The following PPM1L variants were observed in gnomAD, a reference collection of about 807,000 sequenced individuals.
PPM1L encodes the protein protein phosphatase, Mg2+/Mn2+ dependent 1L, also known as protein phosphatase 1L.
In PPM1L, 13 loss-of-function variants were observed where a neutral mutation model predicts 31.4. The observed-to-expected ratio is 0.41, with a 90% CI of 0.27 to 0.66. PPM1L has a LOEUF of 0.66. PPM1L is among the 30% of genes least tolerant of loss of function. The pLI, the probability that PPM1L is intolerant of heterozygous loss-of-function variation, is 0.29. For synonymous variants in PPM1L, 184 were observed against 175.4 expected (o/e 1.05, Z -0.39); for missense variants, 326 against 453.7 (o/e 0.72, Z 2.56).
chr3:161,065,375 C>T (rs373261947), intron 2 of PPM1L, 28 bp from the exon 3 acceptor site: 8 of 1,608,820 alleles, frequency 5.0e-6, no homozygotes, highest in African/African-American at 2.7e-5. Flanking sequence ...GCTGACCTCC[C>T]GCGTTCTCTC....
At chr3:160,824,592 C>T (rs1204882398) in intron 1 of PPM1L, among the ~76,000 whole-genome samples, 2 of 152,084 alleles carry the variant, frequency 1.3e-5, no homozygotes, top group Non-Finnish European at 2.9e-5. Flanking sequence ...CAGTTGCAGG[C>T]CCTTGGGCAT....
At chr3:160,844,551 T>C (rs1417921498) in intron 1 of PPM1L, among the ~76,000 whole-genome samples, 1 of 152,196 alleles carries the variant, frequency 6.6e-6, no homozygotes, top group Non-Finnish European at 1.5e-5. Context: ...AATCTTTTCT[T>C]GCCATCTATG....
At chr3:161,026,897 A>G (rs981393698) in intron 2 of PPM1L, among the ~76,000 whole-genome samples, 1 of 152,174 alleles carries the variant, frequency 6.6e-6, no homozygotes, top group African/African-American at 2.4e-5. Flanking sequence ...GAAGATTTTA[A>G]GGTGGAGAAA....
At chr3:160,889,271 G>A (rs748406158) in intron 1 of PPM1L, among the ~76,000 whole-genome samples, 29 of 152,170 alleles carry the variant, frequency 1.9e-4, no homozygotes, top group African/African-American at 2.4e-4. Context: ...GACTAATAAC[G>A]AAGAAAACAG....
chr3:160,969,941 CATA>C, intron 2 of PPM1L, among the ~76,000 whole-genome samples: 1 of 152,142 alleles, frequency 6.6e-6, no homozygotes, highest in East Asian at 1.9e-4. Context: ...ACTACCTAAA[CATA>C]ATCAACATCT....
At chr3:160,779,830 C>T (rs1177411911) in intron 1 of PPM1L, among the ~76,000 whole-genome samples, 1 of 152,106 alleles carries the variant, frequency 6.6e-6, no homozygotes, top group Admixed American at 6.5e-5. Context: ...CTGCGTCCGG[C>T]CTCTGCTACC....
At chr3:161,050,633 TTTTA>T (rs544333992) in intron 2 of PPM1L, among the ~76,000 whole-genome samples, 342 of 152,272 alleles carry the variant, frequency 2.2e-3, no homozygotes, top group Non-Finnish European at 3.6e-3. Context: ...ATAAGAAGTG[TTTTA>T]TTTTTTACTT....
At chr3:161,033,068 A>T (rs1262552659) in intron 2 of PPM1L, among the ~76,000 whole-genome samples, 1 of 151,412 alleles carries the variant, frequency 6.6e-6, no homozygotes, top group East Asian at 2.0e-4. Flanking sequence ...ATCCTTTGAG[A>T]TAAGAGTCAA....
At chr3:160,773,928 T>C (rs1159190259) in intron 1 of PPM1L, among the ~76,000 whole-genome samples, 1 of 152,154 alleles carries the variant, frequency 6.6e-6, no homozygotes, top group African/African-American at 2.4e-5. Flanking sequence ...ACTTCCTTCA[T>C]GAGTCTGGGT....
At position 161,069,248 on chromosome 3, in the gene PPM1L, G is replaced by C. The variant is rs1282196802; in HGVS notation, c.*91G>C. The C allele has an allele frequency of 2.0e-6, 2 of 988,196 alleles. No individual in the cohort carries two copies. The highest frequency in any genetic ancestry group is 2.9e-6 in the Non-Finnish European group (2 of 685,094). 61.2% of individuals were successfully genotyped at this position (988,196 alleles called of 1,614,324 possible). ...GTGAAAAGTGTGGGAGTTGTAATTA[G>C]GATCATCCACCCCAGACATGGAATC... On this transcript the variant is annotated 3_prime_UTR_variant, in exon 4 of 4. Coordinates refer to ENST00000498165, the MANE Select transcript of PPM1L (RefSeq NM_139245.4).
intron 2 of PPM1L, among the ~76,000 whole-genome samples, chr3:161,055,694 G>T (rs1486431057): frequency 6.6e-6 from 1 of 152,028 alleles, no homozygotes; most frequent in Non-Finnish European, 1.5e-5. Flanking sequence ...TGAAGTGTGT[G>T]TGTGCCTATC....
At position 161,075,292 on chromosome 3, in the gene PPM1L, A is replaced by C. The variant is rs1289463648; in HGVS notation, c.*6135A>C. 6.6e-6 allele frequency: 1 copy of C among 152,252 alleles called. No homozygotes were observed. Among genetic ancestry groups the C allele is most frequent in the Non-Finnish European group, 1.5e-5 (1 of 68,038 alleles). 9.4% of individuals were successfully genotyped at this position (152,252 alleles called of 1,614,324 possible). On this transcript the variant is annotated 3_prime_UTR_variant, in exon 4 of 4. Coordinates refer to ENST00000498165, the MANE Select transcript of PPM1L (RefSeq NM_139245.4). Reference sequence around the variant, plus strand: ...AGTATCAGGGAAAAACCCCTTTAGGATACCCAGACATTAAAAATGTAAAAA... The same window carrying C: ...AGTATCAGGGAAAAACCCCTTTAGGCTACCCAGACATTAAAAATGTAAAAA...
At chr3:160,827,447 TTGTGTGTGTGTGTGTG>T (rs59524935) in intron 1 of PPM1L, among the ~76,000 whole-genome samples, 3 of 141,358 alleles carry the variant, frequency 2.1e-5, no homozygotes, top group Non-Finnish European at 3.1e-5. Context: ...TGATATAAGT[TTGTGTGTGTGTGTGTG>T]TGTGTGTGTG....
intron 2 of PPM1L, among the ~76,000 whole-genome samples, chr3:161,053,096 A>G (rs1397532428): frequency 6.6e-6 from 1 of 152,264 alleles, no homozygotes; most frequent in African/African-American, 2.4e-5. Context: ...GTGAAAAAAT[A>G]TAGCTGGTGC....
Position 160,792,736 on chromosome 3 carries a change from A to G in PPM1L, c.399+36029A>G, listed in dbSNP as rs533963397. Among the ~76,000 whole-genome samples, 11 of 152,324 alleles carry G rather than the reference A, an allele frequency of 7.2e-5. 1 individual carries two copies. The South Asian group carries it at 2.3e-3, about 32-fold the overall frequency. On this transcript the variant is annotated intron_variant, in intron 1 of 3. Transcript: ENST00000498165. Reference sequence around the variant, plus strand: ...TTTCTGACCAACTAGCTACAAATTCAGTAATTTGCTAGAATGATTCACAGA... The same window carrying G: ...TTTCTGACCAACTAGCTACAAATTCGGTAATTTGCTAGAATGATTCACAGA...
intron 1 of PPM1L, among the ~76,000 whole-genome samples, chr3:160,960,854 G>C (rs113400487): frequency 0.022 from 3,353 of 152,190 alleles, 137 homozygotes; most frequent in African/African-American, 0.077. Flanking sequence ...GGAGAGAAAA[G>C]AGTATGCTAC....
In PPM1L at chr3:160,756,752, C is replaced by CGTGTGTGTGTGTGTGTGTGT. The variant is rs113273287; in HGVS notation, c.399+64_399+83dup. 4.2e-5 allele frequency: 43 copies of CGTGTGTGTGTGTGTGTGTGT among 1,016,778 alleles called. No homozygotes were observed. The highest frequency in any genetic ancestry group is 3.4e-4 in the East Asian group (13 of 37,922). 63.0% of individuals were successfully genotyped at this position (1,016,778 alleles called of 1,614,324 possible). A position where few individuals can be genotyped will look rare whatever the true frequency, so the allele number is the denominator to read the frequency against. ...TTTGTATTTGTGTCCGTGTATGTCTCGTGTGTGTGTGTGTGTGTGTGTGTG... is the reference window on the plus strand; with the variant it reads ...TTTGTATTTGTGTCCGTGTATGTCTCGTGTGTGTGTGTGTGTGTGTGTGTGTGTGTGTGTGTGTGTGTGTG... On this transcript the variant is annotated intron_variant, in intron 1 of 3. Transcript: ENST00000498165. This position sits in a 1 kb window ranked among gnomAD's most constrained non-coding sequence, Gnocchi z 6.2.
chr3:160,908,339 A>G (rs1478926397), intron 1 of PPM1L, among the ~76,000 whole-genome samples: 1 of 151,426 alleles, frequency 6.6e-6, no homozygotes, highest in Non-Finnish European at 1.5e-5. Flanking sequence ...CCAAGAAGGA[A>G]TATGCATCCT....
chr3:160,922,137 C>T (rs375417929), intron 1 of PPM1L, among the ~76,000 whole-genome samples: 1 of 152,002 alleles, frequency 6.6e-6, no homozygotes, highest in Non-Finnish European at 1.5e-5. Flanking sequence ...GGTGAAACCC[C>T]ATCTCTGCTA....
Sources: allele counts gnomAD v4.1 joint callset (sites outside exome capture counted in the v4.1 genomes callset), GRCh38; gene constraint gnomAD v4.1.1; non-coding constraint Gnocchi (gnomAD v3.1); transcripts MANE v1.5; gene names NCBI Gene and HGNC (gene_info 2026-07-23, HGNC 2026-07-21).